Variants in C13orf46 observed in about 807,000 individuals in gnomAD.
C13orf46 encodes chromosome 13 open reading frame 46.
intron 6 of C13orf46, among the ~76,000 whole-genome samples, chr13:113,957,347 C>A: frequency 7.3e-6 from 1 of 136,650 alleles, no homozygotes; most frequent in African/African-American, 2.8e-5. Flanking sequence ...CTCCCCTGCA[C>A]CTCTGCATGC....
the C13orf46 span, among the ~76,000 whole-genome samples, chr13:113,931,622 C>T: frequency 6.6e-6 from 1 of 152,192 alleles, no homozygotes; most frequent in African/African-American, 2.4e-5. Flanking sequence ...GTTTCACAGA[C>T]TCTCACCAAA....
chr13:113,942,833 G>A, the C13orf46 span, among the ~76,000 whole-genome samples: 4 of 152,204 alleles, frequency 2.6e-5, no homozygotes, highest in African/African-American at 7.2e-5. Context: ...AGGTCCTCTG[G>A]CGTCTCCTTG....
intron 5 of C13orf46, among the ~76,000 whole-genome samples, chr13:113,966,631 AT>A (rs2052652867): frequency 6.7e-6 from 1 of 148,286 alleles, no homozygotes; most frequent in Non-Finnish European, 1.5e-5. Context: ...GATAGTGATG[AT>A]GATGATGATG....
At chr13:113,965,249 T>C (rs988188228) in intron 5 of C13orf46, among the ~76,000 whole-genome samples, 6 of 152,200 alleles carry the variant, frequency 3.9e-5, no homozygotes, top group South Asian at 2.1e-4. Context: ...TGGCCCTCCT[T>C]GAGTCCTTAG....
intron 5 of C13orf46, among the ~76,000 whole-genome samples, chr13:113,965,737 GTGATGATGGTGATGATGGTGA>G (rs2052631071): frequency 1.4e-5 from 1 of 71,170 alleles, no homozygotes. Flanking sequence ...GATGGTGAAG[GTGATGATGGTGATGATGGTGA>G]TGGTGATGAT....
chr13:113,952,265 T>G (rs1371473317), downstream of C13orf46, among the ~76,000 whole-genome samples: 1 of 151,712 alleles, frequency 6.6e-6, no homozygotes, highest in Non-Finnish European at 1.5e-5. Context: ...GGGTCTGTGC[T>G]GCTGTGTGGC....
the C13orf46 span, among the ~76,000 whole-genome samples, chr13:113,939,366 T>C: frequency 6.9e-6 from 1 of 144,720 alleles, no homozygotes; most frequent in Non-Finnish European, 1.5e-5. Flanking sequence ...ATGGGGAGGA[T>C]GCAGACCACC....
chr13:113,952,927 C>T (rs1053727634), downstream of C13orf46, among the ~76,000 whole-genome samples: 9 of 152,260 alleles, frequency 5.9e-5, no homozygotes, highest in Non-Finnish European at 1.2e-4. Context: ...GCATCAACCA[C>T]GTGGCAGGAG....
At chr13:113,949,568 A>G (rs892671229), downstream of C13orf46, among the ~76,000 whole-genome samples, 3 of 152,198 alleles carry the variant, frequency 2.0e-5, no homozygotes, top group African/African-American at 2.4e-5. Context: ...CTTTTTGCCT[A>G]AAGCAGGGCA....
the C13orf46 span, among the ~76,000 whole-genome samples, chr13:113,933,455 T>G: frequency 6.6e-6 from 1 of 152,242 alleles, no homozygotes; most frequent in Admixed American, 6.5e-5. Context: ...TCAACTCTGT[T>G]CTTTTTTATG....
At chr13:113,951,392 G>A (rs1043191826), downstream of C13orf46, among the ~76,000 whole-genome samples, 1 of 152,180 alleles carries the variant, frequency 6.6e-6, no homozygotes, top group Non-Finnish European at 1.5e-5. Context: ...GGAGGCGCCC[G>A]ACGTCCCTTC....
At chr13:113,929,189 T>C in the C13orf46 span, among the ~76,000 whole-genome samples, 9 of 152,316 alleles carry the variant, frequency 5.9e-5, no homozygotes, top group African/African-American at 2.2e-4. Flanking sequence ...TGTTTCTCAG[T>C]GCTACATGCC....
chr13:113,934,225 G>A, the C13orf46 span, among the ~76,000 whole-genome samples: 2 of 152,168 alleles, frequency 1.3e-5, no homozygotes, highest in South Asian at 2.1e-4. Context: ...ACGATGCGTC[G>A]GACACGCACC....
At chr13:113,935,721 C>T in the C13orf46 span, among the ~76,000 whole-genome samples, 1 of 152,196 alleles carries the variant, frequency 6.6e-6, no homozygotes, top group African/African-American at 2.4e-5. Flanking sequence ...GGGAGTTTTC[C>T]TGCCGGGAAT....
chr13:113,937,195 T>C, the C13orf46 span, among the ~76,000 whole-genome samples: 1 of 152,184 alleles, frequency 6.6e-6, no homozygotes, highest in Non-Finnish European at 1.5e-5. Flanking sequence ...TCCACTGTTA[T>C]AATTTTTGCA....
At chr13:113,959,989 A>G (rs1224505753) in intron 6 of C13orf46, among the ~76,000 whole-genome samples, 1 of 152,196 alleles carries the variant, frequency 6.6e-6, no homozygotes, top group Non-Finnish European at 1.5e-5. Flanking sequence ...ATGGTGGCTC[A>G]TGCCTGTAAT....
At chr13:113,963,768 G>C (rs1735863505) in intron 6 of C13orf46, among the ~76,000 whole-genome samples, 1 of 152,202 alleles carries the variant, frequency 6.6e-6, no homozygotes, top group East Asian at 1.9e-4. Context: ...TGGAAGCTGG[G>C]GTGATTTTTA....
chr13:113,941,768 G>A, the C13orf46 span, among the ~76,000 whole-genome samples: 1 of 152,220 alleles, frequency 6.6e-6, no homozygotes, highest in Non-Finnish European at 1.5e-5. Flanking sequence ...CAGCTGCGCA[G>A]GGTCCCTGGC....
chr13:113,950,255 C>T (rs1177719618), downstream of C13orf46, among the ~76,000 whole-genome samples: 1 of 140,268 alleles, frequency 7.1e-6, no homozygotes, highest in Non-Finnish European at 1.5e-5. Flanking sequence ...GTCCTCGCCC[C>T]CTGCCTCGGG....
Sources: gnomAD v4.1 joint callset for allele counts (sites outside exome capture counted in the v4.1 genomes callset) on GRCh38, gnomAD v4.1.1 for gene constraint, MANE v1.5 for transcripts, NCBI Gene and HGNC (gene_info 2026-07-23, HGNC 2026-07-21) for gene names.